The following ZP4 variants were observed in gnomAD, a reference collection of about 807,000 sequenced individuals.
ZP4 encodes the protein zona pellucida sperm-binding protein 4.
ZP4 carries 62 observed loss-of-function variants against 62.3 expected under a neutral mutation model. That is an observed-to-expected ratio of 0.99 (90% CI 0.81 to 1.23). The LOEUF is 1.23. Ranked by LOEUF, ZP4 falls within the 50% of genes most tolerant of loss-of-function variation. The pLI is 0.00. For synonymous variants in ZP4, 289 were observed against 247.3 expected, an observed-to-expected ratio of 1.17 and a Z score of -1.58; for missense variants, 774 against 656.0, an observed-to-expected ratio of 1.18 and a Z score of -1.97.
At chr1:237,890,224 T>C (rs538499) in intron 1 of ZP4, 48 bp from the exon 2 acceptor site, 552,946 of 1,610,782 alleles carry the variant, frequency 0.34, 98,807 homozygotes, top group East Asian at 0.6. Flanking sequence ...CAGTCTCCAG[T>C]GCCAGAAAGG....
chr1:237,884,244 A>G (rs531087728), intron 10 of ZP4, among the ~76,000 whole-genome samples: 1 of 152,310 alleles, frequency 6.6e-6, no homozygotes, highest in Admixed American at 6.5e-5. Context: ...TTTAGTTACT[A>G]TGAGTTTTGC....
In ZP4 at chr1:237,885,894, G is replaced by A. The variant is rs1301257972; in HGVS notation, c.840-8C>T. Reference sequence around the variant, plus strand: ...CTGCAGCTGACATGGAGCCTGCAGAGAAACAAGATTTTAGCTAGTTGGTTG... The same window carrying A: ...CTGCAGCTGACATGGAGCCTGCAGAAAAACAAGATTTTAGCTAGTTGGTTG... On this transcript the variant is annotated splice_polypyrimidine_tract_variant and splice_region_variant and intron_variant, in intron 6 of 11. Coordinates refer to ENST00000366570, the MANE Select transcript of ZP4 (RefSeq NM_021186.5). 4 of 1,613,774 alleles carry A rather than the reference G, an allele frequency of 2.5e-6. No individual in the cohort carries two copies. Among genetic ancestry groups the A allele is most frequent in the Non-Finnish European group, 3.4e-6 (4 of 1,179,906 alleles).
chr1:237,883,799 G>C, intron 10 of ZP4, among the ~76,000 whole-genome samples: 1 of 148,326 alleles, frequency 6.7e-6, no homozygotes, highest in African/African-American at 2.6e-5. Context: ...GAGGAAGAGA[G>C]AGGAAGAGAG....
At position 237,882,741 on chromosome 1, in the gene ZP4, C is replaced by A; in HGVS notation, c.1495+1G>T. On this transcript the variant is annotated splice_donor_variant, in intron 11 of 11. Transcript: ENST00000366570. LOFTEE classifies it high-confidence loss of function. ...TGATCTCCTCCCTCTTGGATACTTACGGAGCTTTTCTGGAGGGTCCTTAGT... is the reference window on the plus strand; with the variant it reads ...TGATCTCCTCCCTCTTGGATACTTAAGGAGCTTTTCTGGAGGGTCCTTAGT... 1.2e-6 allele frequency: 2 copies of A among 1,613,736 alleles called. No individual in the cohort carries two copies. The highest frequency in any genetic ancestry group is 1.7e-6 in the Non-Finnish European group (2 of 1,179,848).
rs1197060394 is a variant in ZP4, at chr1:237,882,466, C to G, written c.1579G>C (p.Ala527Pro). 1 of 1,610,738 alleles carries G rather than the reference C, an allele frequency of 6.2e-7. No individual in the cohort carries two copies. The highest frequency in any genetic ancestry group is 1.1e-5 in the South Asian group (1 of 90,494). The part of the protein sequence containing the change: ...ILGALLVSYL[A>P]VKKQKSCPDQ... Reference sequence around the variant, plus strand: ...GGGCAACTCTTCTGTTTCTTGACAGCCAAGTAGGATACTAACAAGGCTCCA... The same window carrying G: ...GGGCAACTCTTCTGTTTCTTGACAGGCAAGTAGGATACTAACAAGGCTCCA... Residue 527 changes from alanine to proline, a missense_variant, in exon 12 of 12, where the codon GCT becomes CCT. Ala to Pro is a conservative substitution (Grantham distance 27). Transcript: ENST00000366570.
chr1:237,888,083 A>G (rs865964735), intron 4 of ZP4, among the ~76,000 whole-genome samples: 13 of 152,224 alleles, frequency 8.5e-5, no homozygotes, highest in Non-Finnish European at 1.3e-4. Context: ...CAAAGTCGCT[A>G]TAAGTTTCTG....
chr1:237,884,391 G>A (rs1665045553), intron 10 of ZP4, among the ~76,000 whole-genome samples: 1 of 152,126 alleles, frequency 6.6e-6, no homozygotes, highest in African/African-American at 2.4e-5. Context: ...CCACATTCTA[G>A]GTCCAGTCAT....
At chr1:237,884,014 ACAAACACAC>A (rs1558531020) in intron 10 of ZP4, among the ~76,000 whole-genome samples, 3,085 of 77,390 alleles carry the variant, frequency 0.04, 83 homozygotes, top group Admixed American at 0.055. Context: ...ACACACACAC[ACAAACACAC>A]ACACACACAA....
At chr1:237,884,043 A>AACACACACACACAC (rs1285299171) in intron 10 of ZP4, among the ~76,000 whole-genome samples, 8 of 104,822 alleles carry the variant, frequency 7.6e-5, no homozygotes, top group African/African-American at 4.4e-4. Flanking sequence ...AACACACACA[A>AACACACACACACAC]ACACACACAA....
intron 1 of ZP4, 112 bp downstream of exon 1, chr1:237,890,349 T>C: frequency 6.7e-7 from 1 of 1,489,312 alleles, no homozygotes; most frequent in Non-Finnish European, 9.2e-7. Flanking sequence ...TGCAGAAAGA[T>C]GCAACAGGGC....
intron 4 of ZP4, among the ~76,000 whole-genome samples, chr1:237,887,810 T>C (rs1266801086): frequency 6.6e-6 from 1 of 152,178 alleles, no homozygotes; most frequent in African/African-American, 2.4e-5. Context: ...TTCAGTTTCA[T>C]GTGTTAAGAG....
intron 3 of ZP4, among the ~76,000 whole-genome samples, chr1:237,889,171 T>C (rs1212396271): frequency 2.0e-5 from 3 of 152,280 alleles, no homozygotes; most frequent in Admixed American, 1.3e-4. Flanking sequence ...TTTTTCCAAG[T>C]TCCCTTGCTA....
At position 237,885,742 on chromosome 1, in the gene ZP4, C is replaced by A; in HGVS notation, c.970+14G>T. The stretch of plus-strand genomic sequence containing the variant: ...TAGACTATAGGCCAGATACTCCAGC[C>A]AAGGGGGTCATACCTTTGGCAATCT... On this transcript the variant is annotated intron_variant, in intron 7 of 11. Transcript: ENST00000366570. 6.2e-7 allele frequency: 1 copy of A among 1,613,598 alleles called. No homozygotes were observed. Among genetic ancestry groups the A allele is most frequent in the Non-Finnish European group, 8.5e-7 (1 of 1,179,788 alleles).
At position 237,886,781 on chromosome 1, in the gene ZP4, T is replaced by C. The variant is rs36017138; in HGVS notation, c.829A>G (p.Ser277Gly). Residue 277 changes from serine (S) to glycine (G), a missense_variant, in exon 6 of 12, where the codon AGC becomes GGC. Transcript: ENST00000366570. Reference sequence around the variant, plus strand: ...TGGCCAAGCCCTTACCTGAAGATGCTGTCACGAGTGACAGAGCCACGGCTC... The same window carrying C: ...TGGCCAAGCCCTTACCTGAAGATGCCGTCACGAGTGACAGAGCCACGGCTC... The part of the protein sequence containing the change: ...NGSRGSVTRD[S>G]IFRLHVSCSY... The C allele has an allele frequency of 0.01, 16,884 of 1,613,804 alleles. 103 individuals carry two copies. The highest frequency in any genetic ancestry group is 0.013 in the Non-Finnish European group (14,817 of 1,179,748).
Position 237,889,930 on chromosome 1 carries a change from C to T in ZP4, c.337G>A (p.Gly113Ser). The T allele has an allele frequency of 6.2e-7, 1 of 1,614,106 alleles. No homozygotes were observed. The highest frequency in any genetic ancestry group is 8.5e-7 in the Non-Finnish European group (1 of 1,180,016). The change falls in exon 3 of 12, where the codon GGC (glycine) becomes AGC (serine). Residue 113 changes from glycine (G) to serine (S), a missense_variant. Physicochemically the swap from Gly to Ser is moderately conservative, Grantham distance 56 (BLOSUM62 0). Transcript: ENST00000366570. ...YIMPVGVEGA[G>S]AAEHKVVTER... ...GTAACCACCTTGTGTTCAGCCGCGC[C>T]TGCTCCTTCAACTCCAACTGGCATG... is the stretch of plus-strand genomic sequence containing the variant.
In ZP4 at chr1:237,890,566, C is replaced by G. The variant is rs766375009; in HGVS notation, c.70G>C (p.Glu24Gln). 1 of 1,614,146 alleles carries G rather than the reference C, an allele frequency of 6.2e-7. No individual in the cohort carries two copies. ...AGCACACTGGAATAATCTGGTGCCT[C>G]AGGCTTATGCTGGCCACTCACAGCA... is the stretch of plus-strand genomic sequence containing the variant. ...SLAVSGQHKP[E>Q]APDYSSVLHC... Residue 24 changes from glutamate to glutamine, a missense_variant, in exon 1 of 12, where the codon GAG (glutamate) becomes CAG (glutamine). By Grantham distance (29) the Glu-to-Gln change is conservative (BLOSUM62 2). Coordinates refer to ENST00000366570, the MANE Select transcript of ZP4 (RefSeq NM_021186.5).
chr1:237,885,014 C>T, intron 9 of ZP4, 151 bp downstream of exon 9: 1 of 1,231,254 alleles, frequency 8.1e-7, no homozygotes, highest in South Asian at 1.5e-5. Context: ...ACAGATGTCA[C>T]TCATGTAATT....
intron 9 of ZP4, 78 bp from the exon 10 acceptor site, chr1:237,884,925 A>G: frequency 6.7e-7 from 1 of 1,481,674 alleles, no homozygotes; most frequent in South Asian, 1.2e-5. Context: ...CTCCCCAGGA[A>G]GAGGTTCAGG....
intron 5 of ZP4, 22 bp downstream of exon 5, chr1:237,887,352 G>A (rs1665127658): frequency 6.2e-7 from 1 of 1,609,606 alleles, no homozygotes; most frequent in Non-Finnish European, 8.5e-7. Flanking sequence ...TCCAGAGCCA[G>A]GAACAAAGCC....
Sources: allele counts gnomAD v4.1 joint callset (sites outside exome capture counted in the v4.1 genomes callset), GRCh38; gene constraint gnomAD v4.1.1; transcripts MANE v1.5; gene names NCBI Gene and HGNC (gene_info 2026-07-23, HGNC 2026-07-21).